The following CAMSAP1 variants were observed in gnomAD, a reference collection of about 807,000 sequenced individuals.
CAMSAP1 encodes the protein calmodulin-regulated spectrin-associated protein 1.
A neutral mutation model predicts 143.5 loss-of-function variants in CAMSAP1; 58 were observed. That is an observed-to-expected ratio of 0.40 (90% CI 0.33 to 0.50). CAMSAP1 has a LOEUF of 0.50. Among genes scored for constraint, CAMSAP1 ranks in the 20% least tolerant of loss-of-function variants. The pLI, the probability that CAMSAP1 is intolerant of heterozygous loss-of-function variation, is 0.45. For missense variants in CAMSAP1, 1,969 were observed against 2,115.7 expected, an observed-to-expected ratio of 0.93 and a Z score of 1.36; for synonymous variants, 945 against 859.3, an observed-to-expected ratio of 1.10 and a Z score of -1.74.
chr9:135,856,180 G>A (rs1303262575), intron 5 of CAMSAP1, among the ~76,000 whole-genome samples: 1 of 152,158 alleles, frequency 6.6e-6, no homozygotes, highest in African/African-American at 2.4e-5. Flanking sequence ...CCTGAGACTG[G>A]GCAATTTACA....
chr9:135,822,392 G>A lies in CAMSAP1; in HGVS notation c.2269C>T (p.His757Tyr). The A allele has an allele frequency of 6.2e-7, 1 of 1,613,970 alleles. No individual in the cohort carries two copies. Among genetic ancestry groups the A allele is most frequent in the Non-Finnish European group, 8.5e-7 (1 of 1,179,894 alleles). The change falls in exon 11 of 17, where the codon CAT (histidine) becomes TAT (tyrosine). Residue 757 changes from histidine (H) to tyrosine (Y), a missense_variant. His to Tyr is a moderately conservative substitution (Grantham distance 83). Coordinates refer to ENST00000389532, the MANE Select transcript of CAMSAP1 (RefSeq NM_015447.4). The surrounding 1 kb of genome is among the most constrained non-coding windows in gnomAD (Gnocchi z 6.1). Reference sequence around the variant, plus strand: ...ATGTATCTGCTGAAAACCACAGGATGGGCCTCACCCATGAAATCGTGCTCG... The same window carrying A: ...ATGTATCTGCTGAAAACCACAGGATAGGCCTCACCCATGAAATCGTGCTCG... The part of the protein sequence containing the change: ...EAEHDFMGEA[H>Y]PVVFSRYIGE...
Position 135,811,310 on chromosome 9 carries a change from C to A in CAMSAP1, c.4808G>T (p.Ter1603LeuextTer14). Residue 1603 changes from the stop codon to leucine, a stop_lost, in exon 17 of 17, where the codon TGA (stop) becomes TTA (leucine). Coordinates refer to ENST00000389532, the MANE Select transcript of CAMSAP1 (RefSeq NM_015447.4). The surrounding 1 kb of genome is among the most constrained non-coding windows in gnomAD (Gnocchi z 4.9). Reference sequence around the variant, plus strand: ...CTTTGGACGCCAGCTGCACCGGGGTCATTTACGAGTCTGGGCCTTCTTTGG... The same window carrying A: ...CTTTGGACGCCAGCTGCACCGGGGTAATTTACGAGTCTGGGCCTTCTTTGG... ...AVPKKAQTRK[*>L] 6.2e-7 allele frequency: 1 copy of A among 1,611,478 alleles called. No homozygotes were observed. The highest frequency in any genetic ancestry group is 1.1e-5 in the South Asian group (1 of 90,524).
At chr9:135,847,654 A>C (rs940113225) in intron 7 of CAMSAP1, among the ~76,000 whole-genome samples, 1 of 149,720 alleles carries the variant, frequency 6.7e-6, no homozygotes, top group Non-Finnish European at 1.5e-5. Flanking sequence ...GAGTTGAACA[A>C]TGAGAACACA....
chr9:135,874,692 T>C (rs1394173840), intron 3 of CAMSAP1, among the ~76,000 whole-genome samples: 1 of 151,956 alleles, frequency 6.6e-6, no homozygotes, highest in Non-Finnish European at 1.5e-5. Flanking sequence ...ACCTTTATAA[T>C]TAAAAAAGAG....
At chr9:135,838,182 CAGACACACGTCATCACACACTTTCCA>C (rs1836175977) in intron 7 of CAMSAP1, among the ~76,000 whole-genome samples, 1 of 150,554 alleles carries the variant, frequency 6.6e-6, no homozygotes, top group African/African-American at 2.5e-5. Context: ...ACCCGTTCTA[CAGACACACGTCATCACACACTTTCCA>C]CCCGTTCTAC....
At chr9:135,899,139 C>T (rs1044205268) in intron 1 of CAMSAP1, among the ~76,000 whole-genome samples, 7 of 152,160 alleles carry the variant, frequency 4.6e-5, no homozygotes, top group African/African-American at 1.7e-4. Context: ...TGGGTGGGTC[C>T]TGCCGGGCAG....
intron 1 of CAMSAP1, among the ~76,000 whole-genome samples, chr9:135,885,553 C>T (rs1838096476): frequency 6.6e-6 from 1 of 152,190 alleles, no homozygotes; most frequent in Admixed American, 6.5e-5. Context: ...GGGAGAATGG[C>T]AGAGCCTACC....
intron 5 of CAMSAP1, among the ~76,000 whole-genome samples, chr9:135,857,799 T>C (rs1286675250): frequency 2.6e-5 from 4 of 152,194 alleles, no homozygotes; most frequent in African/African-American, 4.8e-5. Flanking sequence ...CGGTGGCTTC[T>C]GGGGCAGGGT....
chr9:135,849,043 C>A (rs1836677511), intron 7 of CAMSAP1, among the ~76,000 whole-genome samples: 1 of 152,230 alleles, frequency 6.6e-6, no homozygotes, highest in Admixed American at 6.5e-5. Flanking sequence ...GGATATATAC[C>A]CGCACAGATG....
chr9:135,882,970 C>T lies in CAMSAP1; in HGVS notation c.269G>A (p.Arg90His), dbSNP rs1340866610. 30 of 1,551,634 alleles carry T rather than the reference C, an allele frequency of 1.9e-5. No homozygotes were observed. Among genetic ancestry groups the T allele is most frequent in the Non-Finnish European group, 2.6e-5 (30 of 1,147,026 alleles). Residue 90 changes from arginine (R) to histidine (H), a missense_variant, in exon 2 of 17, where the codon CGT becomes CAT. Arg to His is a conservative substitution (Grantham distance 29). Coordinates refer to ENST00000389532, the MANE Select transcript of CAMSAP1 (RefSeq NM_015447.4). The surrounding 1 kb of genome is among the most constrained non-coding windows in gnomAD (Gnocchi z 4.9). ...KLLLSSELYC[R>H]VCSLILKGDQ... Reference sequence around the variant, plus strand: ...CCCTTTCAGGATGAGGCTGCAGACACGGCAGTACAGCTCGCTGGACAGGAG... The same window carrying T: ...CCCTTTCAGGATGAGGCTGCAGACATGGCAGTACAGCTCGCTGGACAGGAG...
At position 135,810,175 on chromosome 9, in the gene CAMSAP1, A is replaced by G. The variant is rs367994882; in HGVS notation, c.*1134T>C. The G allele has an allele frequency of 7.9e-5, 12 of 152,582 alleles. No individual in the cohort carries two copies. Among genetic ancestry groups the G allele is most frequent in the African/African-American group, 2.9e-4 (12 of 41,574 alleles). 9.5% of individuals were successfully genotyped at this position (152,582 alleles called of 1,614,324 possible). Reference sequence around the variant, plus strand: ...ATCAACACCATTGGGACCAAGGCAGAAAGAACCCAAAGCCATCCACTTACT... The same window carrying G: ...ATCAACACCATTGGGACCAAGGCAGGAAGAACCCAAAGCCATCCACTTACT... On this transcript the variant is annotated 3_prime_UTR_variant, in exon 17 of 17. Coordinates refer to ENST00000389532, the MANE Select transcript of CAMSAP1 (RefSeq NM_015447.4).
Position 135,821,490 on chromosome 9 carries a change from C to T in CAMSAP1, c.3171G>A (p.Val1057=), listed in dbSNP as rs369728322. The change falls in exon 11 of 17, where the codon GTG becomes GTA. Residue 1057 remains valine, a synonymous_variant. Coordinates refer to ENST00000389532, the MANE Select transcript of CAMSAP1 (RefSeq NM_015447.4). The surrounding 1 kb of genome is among the most constrained non-coding windows in gnomAD (Gnocchi z 4.6). ...CCTGCGAGTTATTCTTAGAGCCTGG[C>T]ACTGGGACTGTGGGGGACTTCATCA... ...QLLMKSPTVP[V]PGSKNNSQDH... 635 of 1,613,936 alleles carry T rather than the reference C, an allele frequency of 3.9e-4. No individual in the cohort carries two copies. The highest frequency in any genetic ancestry group is 5.1e-4 in the Non-Finnish European group (602 of 1,179,914).
chr9:135,889,750 G>C lies in CAMSAP1; in HGVS notation c.161-6672C>G, dbSNP rs763086281. 2.0e-5 allele frequency among the ~76,000 whole-genome samples: 3 copies of C among 152,200 alleles called. No homozygotes were observed. In the South Asian group the frequency reaches 6.2e-4, roughly 31 times the overall value. On this transcript the variant is annotated intron_variant, in intron 1 of 16. Coordinates refer to ENST00000389532, the MANE Select transcript of CAMSAP1 (RefSeq NM_015447.4). ...TTCCCCTGAGCTCTTCTGAGAGGCCGTGGGAGCGCATGGGATGGTTAGAGT... is the reference window on the plus strand; with the variant it reads ...TTCCCCTGAGCTCTTCTGAGAGGCCCTGGGAGCGCATGGGATGGTTAGAGT...
At position 135,808,689 on chromosome 9, in the gene CAMSAP1, A is replaced by G. The variant is rs888343060; in HGVS notation, c.*2620T>C. ...GACACGTGCAGAAAGTCAAAAGGAC[A>G]CATGGAAAGCAGTCCATCTTTGGTG... On this transcript the variant is annotated 3_prime_UTR_variant, in exon 17 of 17. Coordinates refer to ENST00000389532, the MANE Select transcript of CAMSAP1 (RefSeq NM_015447.4). 2 of 152,256 alleles carry G rather than the reference A, an allele frequency of 1.3e-5. No homozygotes were observed. Among genetic ancestry groups the G allele is most frequent in the Non-Finnish European group, 2.9e-5 (2 of 68,050 alleles). 9.4% of individuals were successfully genotyped at this position (152,256 alleles called of 1,614,324 possible).
intron 10 of CAMSAP1, among the ~76,000 whole-genome samples, chr9:135,823,586 C>T (rs897610600): frequency 6.6e-6 from 1 of 152,234 alleles, no homozygotes; most frequent in Non-Finnish European, 1.5e-5. Flanking sequence ...ATTAAAATTA[C>T]AGTAATTAGC....
chr9:135,861,460 G>A (rs894590871), intron 5 of CAMSAP1, among the ~76,000 whole-genome samples: 7 of 152,078 alleles, frequency 4.6e-5, no homozygotes, highest in South Asian at 2.1e-4. Context: ...CTACAGGCAC[G>A]CGCCACCACA....
In CAMSAP1 at chr9:135,811,588, A is replaced by C; in HGVS notation, c.4530T>G (p.Asn1510Lys). ...ILEELEKCDA[N>K]HYIILFRDAG... ...CATCACGAAACAGTATGATGTAGTG[A>C]TTGGCATCACACTTCTCCAGCTCCT... The change falls in exon 17 of 17, where the codon AAT becomes AAG. Residue 1510 changes from asparagine to lysine, a missense_variant. By Grantham distance (94) the Asn-to-Lys change is moderately conservative (BLOSUM62 0). Around this residue, in one of 4 missense-constraint regions of CAMSAP1, gnomAD observed 143 missense variants for 200.6 expected, o/e 0.71. Transcript: ENST00000389532. The surrounding 1 kb of genome is among the most constrained non-coding windows in gnomAD (Gnocchi z 4.9). The C allele has an allele frequency of 6.3e-7, 1 of 1,594,262 alleles. No individual in the cohort carries two copies. Among genetic ancestry groups the C allele is most frequent in the Non-Finnish European group, 8.5e-7 (1 of 1,169,924 alleles).
Position 135,899,244 on chromosome 9 carries a change from A to C in CAMSAP1, c.160+7756T>G, listed in dbSNP as rs115302329. ...ATTCCTCAAACTACACTCTTAAAAC[A>C]TGTGTGCTTTACCAGATGTAAATCA... On this transcript the variant is annotated intron_variant, in intron 1 of 16. Transcript: ENST00000389532. Among the ~76,000 whole-genome samples, 916 of 152,126 alleles carry C rather than the reference A, an allele frequency of 6.0e-3. 9 individuals carry two copies. Among genetic ancestry groups the C allele is most frequent in the African/African-American group, 0.021 (871 of 41,452 alleles).
chr9:135,907,038 G>C lies in CAMSAP1; in HGVS notation c.122C>G (p.Ala41Gly). The C allele has an allele frequency of 1.7e-6, 2 of 1,203,438 alleles. No homozygotes were observed. The allele number at this position is 1,203,438 out of a possible 1,614,324, so 74.5% of individuals were successfully genotyped here. ...CTTGGCGCAGATCCACTGCAGGTTG[G>C]CGGCGATCTTGGCGCGCGCCGCGTC... is the stretch of plus-strand genomic sequence containing the variant. ...RYDAARAKIA[A>G]NLQWICAKAY... is the part of the protein sequence containing the mutation. Residue 41 changes from alanine to glycine, a missense_variant, in exon 1 of 17, where the codon GCC becomes GGC. Ala to Gly is a moderately conservative substitution (Grantham distance 60). Coordinates refer to ENST00000389532, the MANE Select transcript of CAMSAP1 (RefSeq NM_015447.4).
Sources: allele counts gnomAD v4.1 joint callset (sites outside exome capture counted in the v4.1 genomes callset), GRCh38; gene constraint gnomAD v4.1.1; regional missense constraint gnomAD v4.1.1; non-coding constraint Gnocchi (gnomAD v3.1); transcripts MANE v1.5; gene names NCBI Gene and HGNC (gene_info 2026-07-23, HGNC 2026-07-21).